The following SNTB1 variants were observed in gnomAD, a reference collection of about 807,000 sequenced individuals.
SNTB1 encodes beta-1-syntrophin.
Under a neutral mutation model 48.9 loss-of-function variants are expected in SNTB1, and 36 were observed. The observed-to-expected ratio is 0.74, with a 90% CI of 0.56 to 0.97. SNTB1 has a LOEUF of 0.97. Among genes scored for constraint, SNTB1 ranks in the 50% least tolerant of loss-of-function variants. The pLI is 0.00. For synonymous variants in SNTB1, 299 were observed against 294.6 expected, an observed-to-expected ratio of 1.01 and a Z score of -0.15; for missense variants, 786 against 703.4, an observed-to-expected ratio of 1.12 and a Z score of -1.33.
chr8:120,789,650 T>G (rs1354766093), intron 1 of SNTB1, among the ~76,000 whole-genome samples: 1 of 151,978 alleles, frequency 6.6e-6, no homozygotes, highest in Non-Finnish European at 1.5e-5. Flanking sequence ...GATAAATTCC[T>G]GAAAACATAT....
At chr8:120,739,667 TG>T (rs1819010905) in intron 1 of SNTB1, among the ~76,000 whole-genome samples, 1 of 152,192 alleles carries the variant, frequency 6.6e-6, no homozygotes, top group Admixed American at 6.5e-5. Flanking sequence ...TCTCTGTGTT[TG>T]GACTGGGGAA....
intron 2 of SNTB1, among the ~76,000 whole-genome samples, chr8:120,665,797 A>G (rs767514218): frequency 3.3e-5 from 5 of 152,146 alleles, no homozygotes; most frequent in Non-Finnish European, 7.4e-5. Flanking sequence ...CAATTTTTAT[A>G]TTTTTATAGC....
rs1385547744 is a variant in SNTB1, at chr8:120,571,491, T to G, written c.1136+3595A>C. On this transcript the variant is annotated intron_variant, in intron 4 of 6. Transcript: ENST00000517992. Reference sequence around the variant, plus strand: ...CTGACTATTGAGGGTTTTTTTTTTTTTTTTTTTTTTTTTTTTTTTTTTTTG... The same window carrying G: ...CTGACTATTGAGGGTTTTTTTTTTTGTTTTTTTTTTTTTTTTTTTTTTTTG... The G allele has an allele frequency of 5.0e-3, 769 of 153,302 alleles. 6 individuals are homozygous for G. Among genetic ancestry groups the G allele is most frequent in the South Asian group, 8.0e-3 (131 of 16,438 alleles). The allele number at this position is 153,302 out of a possible 1,614,324, so 9.5% of individuals were successfully genotyped here. A position where few individuals can be genotyped will look rare whatever the true frequency, so the allele number is the denominator to read the frequency against.
chr8:120,551,744 A>C (rs1341406274), intron 4 of SNTB1, among the ~76,000 whole-genome samples: 1 of 151,164 alleles, frequency 6.6e-6, no homozygotes, highest in East Asian at 2.0e-4. Flanking sequence ...AAAAAAAAAA[A>C]AAAAAGTAAG....
intron 1 of SNTB1, among the ~76,000 whole-genome samples, chr8:120,733,080 T>C (rs1362011595): frequency 1.3e-5 from 2 of 152,240 alleles, no homozygotes; most frequent in Non-Finnish European, 2.9e-5. Flanking sequence ...GAAACTAATT[T>C]CATTCAACAG....
chr8:120,794,748 C>G (rs1587168475), intron 1 of SNTB1, among the ~76,000 whole-genome samples: 1 of 152,028 alleles, frequency 6.6e-6, no homozygotes, highest in African/African-American at 2.4e-5. Context: ...AGTTGCTGCT[C>G]TAAGCTCTGG....
At chr8:120,564,074 C>T (rs946938347) in intron 4 of SNTB1, among the ~76,000 whole-genome samples, 5 of 150,880 alleles carry the variant, frequency 3.3e-5, no homozygotes, top group African/African-American at 4.9e-5. Flanking sequence ...TGCCATTGCA[C>T]TCCAACCTGG....
chr8:120,738,826 G>A (rs922057542), intron 1 of SNTB1, among the ~76,000 whole-genome samples: 1 of 152,072 alleles, frequency 6.6e-6, no homozygotes, highest in Admixed American at 6.5e-5. Context: ...TAAGCAAAAT[G>A]GCATGGTTTT....
At chr8:120,707,016 T>C (rs999870801) in intron 1 of SNTB1, among the ~76,000 whole-genome samples, 6 of 152,180 alleles carry the variant, frequency 3.9e-5, no homozygotes, top group Non-Finnish European at 7.4e-5. Flanking sequence ...AGGTAGATGG[T>C]GACGGGTTCT....
At chr8:120,740,319 G>A (rs4871109) in intron 1 of SNTB1, among the ~76,000 whole-genome samples, 19,949 of 152,134 alleles carry the variant, frequency 0.13, 1,708 homozygotes, top group African/African-American at 0.23. Context: ...GGCATCTTTC[G>A]TCTAGAGTAT....
At chr8:120,631,446 A>G (rs929335301) in intron 3 of SNTB1, among the ~76,000 whole-genome samples, 3 of 152,176 alleles carry the variant, frequency 2.0e-5, no homozygotes, top group Non-Finnish European at 4.4e-5. Flanking sequence ...AATGGTGGAA[A>G]ACCTGAGTAT....
intron 2 of SNTB1, among the ~76,000 whole-genome samples, chr8:120,666,918 G>T: frequency 6.6e-6 from 1 of 151,660 alleles, no homozygotes; most frequent in Admixed American, 6.6e-5. Context: ...TAAATTTCAT[G>T]TTTTTACTTA....
intron 3 of SNTB1, among the ~76,000 whole-genome samples, chr8:120,608,866 G>A (rs1816569490): frequency 6.6e-6 from 1 of 152,186 alleles, no homozygotes; most frequent in African/African-American, 2.4e-5. Context: ...AAGCAAAGGT[G>A]AGCAAAGAAA....
chr8:120,710,083 C>T (rs1049074674), intron 1 of SNTB1, among the ~76,000 whole-genome samples: 2 of 152,154 alleles, frequency 1.3e-5, no homozygotes, highest in Non-Finnish European at 2.9e-5. Flanking sequence ...ATCCCCCCTC[C>T]GTTTCCGCAG....
At chr8:120,556,838 C>T (rs533752812) in intron 4 of SNTB1, among the ~76,000 whole-genome samples, 1 of 152,314 alleles carries the variant, frequency 6.6e-6, no homozygotes, top group Admixed American at 6.5e-5. Context: ...ATAAATAATA[C>T]TGGATATACA....
intron 1 of SNTB1, among the ~76,000 whole-genome samples, chr8:120,754,925 G>C (rs924958077): frequency 6.6e-6 from 1 of 152,170 alleles, no homozygotes; most frequent in Non-Finnish European, 1.5e-5. Flanking sequence ...AAGATTATGA[G>C]TCAGCAGGAA....
At chr8:120,607,991 C>T (rs1178587232) in intron 3 of SNTB1, among the ~76,000 whole-genome samples, 2 of 152,204 alleles carry the variant, frequency 1.3e-5, no homozygotes, top group Admixed American at 1.3e-4. Context: ...GCTTCTGCCT[C>T]GTGAGGGTCT....
intron 1 of SNTB1, among the ~76,000 whole-genome samples, chr8:120,745,316 G>A (rs1819108900): frequency 6.6e-6 from 1 of 152,030 alleles, no homozygotes; most frequent in South Asian, 2.1e-4. Context: ...CATCCCCATC[G>A]TGGTTGGTTA....
At chr8:120,648,576 C>T (rs1274045158) in intron 2 of SNTB1, among the ~76,000 whole-genome samples, 1 of 151,976 alleles carries the variant, frequency 6.6e-6, no homozygotes, top group Admixed American at 6.6e-5. Context: ...GTAACCCGAC[C>T]TTTCTCTCTG....
Sources: gnomAD v4.1 joint callset for allele counts (sites outside exome capture counted in the v4.1 genomes callset) on GRCh38, gnomAD v4.1.1 for gene constraint, MANE v1.5 for transcripts, NCBI Gene and HGNC (gene_info 2026-07-23, HGNC 2026-07-21) for gene names.